CRYBG1: variants seen among roughly 807,000 people sequenced by gnomAD.
CRYBG1 encodes the protein crystallin beta-gamma domain containing 1, also known as beta/gamma crystallin domain-containing protein 1.
CRYBG1 carries 139 observed loss-of-function variants against 189.2 expected under a neutral mutation model. The ratio of observed to expected loss-of-function variants is 0.73; its 90% CI spans 0.64 to 0.85. CRYBG1 has a LOEUF of 0.85. CRYBG1 is among the 40% of genes least tolerant of loss of function. CRYBG1 has a pLI of 0.00. For synonymous variants in CRYBG1, 1,023 were observed against 1,017.1 expected (o/e 1.01, Z -0.11); for missense variants, 2,611 against 2,675.8 (o/e 0.98, Z 0.53).
Position 106,519,407 on chromosome 6 carries a change from A to C in CRYBG1, c.2199A>C (p.Val733=). 1 of 1,614,142 alleles carries C rather than the reference A, an allele frequency of 6.2e-7. No individual in the cohort carries two copies. Among genetic ancestry groups the C allele is most frequent in the Non-Finnish European group, 8.5e-7 (1 of 1,180,040 alleles). ...AKEMEQPEKK[V]MPNSPQNGVL... ...AAATGGAGCAACCTGAAAAGAAAGT[A>C]ATGCCAAACAGTCCCCAGAATGGTG... The change falls in exon 4 of 22, where the codon GTA becomes GTC. Residue 733 remains valine (V), a synonymous_variant. Coordinates refer to ENST00000633556, the MANE Select transcript of CRYBG1 (RefSeq NM_001371242.2).
At chr6:106,509,823 C>A (rs1041809660) in intron 2 of CRYBG1, among the ~76,000 whole-genome samples, 3 of 152,074 alleles carry the variant, frequency 2.0e-5, no homozygotes, top group African/African-American at 7.2e-5. Context: ...CTCCCCCCCA[C>A]CCCAATTTTG....
intron 1 of CRYBG1, among the ~76,000 whole-genome samples, chr6:106,414,729 AC>A (rs949704678): frequency 6.6e-6 from 1 of 152,220 alleles, no homozygotes; most frequent in African/African-American, 2.4e-5. Context: ...TTGGAGGAGT[AC>A]AACTATATGC....
At chr6:106,377,312 A>T (rs1390736133) in intron 1 of CRYBG1, among the ~76,000 whole-genome samples, 1 of 152,122 alleles carries the variant, frequency 6.6e-6, no homozygotes, top group Non-Finnish European at 1.5e-5. Flanking sequence ...CGTTTTTGGC[A>T]TGCTCCCTTA....
intron 2 of CRYBG1, among the ~76,000 whole-genome samples, chr6:106,483,401 T>TATATATATATATATATGTATATATATATA: frequency 6.3e-5 from 6 of 95,712 alleles, no homozygotes; most frequent in Non-Finnish European, 1.0e-4. Context: ...GATATATATA[T>TATATATATATATATATGTATATATATATA]AAAACATTTT....
intron 1 of CRYBG1, among the ~76,000 whole-genome samples, chr6:106,410,957 C>A (rs1770918464): frequency 6.6e-6 from 1 of 152,000 alleles, no homozygotes; most frequent in Non-Finnish European, 1.5e-5. Context: ...ATGTATAATG[C>A]CTATGTAACA....
At chr6:106,434,423 A>C (rs1771416662) in intron 1 of CRYBG1, among the ~76,000 whole-genome samples, 1 of 152,182 alleles carries the variant, frequency 6.6e-6, no homozygotes, top group African/African-American at 2.4e-5. Context: ...TCCTGTCTTT[A>C]AGTTTATCCA....
chr6:106,364,976 G>T (rs1771954516), intron 1 of CRYBG1, among the ~76,000 whole-genome samples: 1 of 152,138 alleles, frequency 6.6e-6, no homozygotes, highest in Non-Finnish European at 1.5e-5. Context: ...AATGGGAGTT[G>T]TTTCTCTTTT....
Position 106,521,318 on chromosome 6 carries a change from T to C in CRYBG1, c.4110T>C (p.Ala1370=), listed in dbSNP as rs149596949. 36 of 1,614,074 alleles carry C rather than the reference T, an allele frequency of 2.2e-5. No homozygotes were observed. Among genetic ancestry groups the C allele is most frequent in the Non-Finnish European group, 2.7e-5 (32 of 1,180,042 alleles). The change falls in exon 4 of 22, where the codon GCT becomes GCC. Residue 1370 remains alanine, a synonymous_variant. Coordinates refer to ENST00000633556, the MANE Select transcript of CRYBG1 (RefSeq NM_001371242.2). ...TGAAGAATGATGATATGGAAAAGGCTAATCATATTGAAAGTGTTATTAAAT... is the reference window on the plus strand; with the variant it reads ...TGAAGAATGATGATATGGAAAAGGCCAATCATATTGAAAGTGTTATTAAAT... ...SKLKNDDMEK[A]NHIESVIKSN... is the part of the protein sequence containing the mutation.
intron 8 of CRYBG1, among the ~76,000 whole-genome samples, chr6:106,538,430 A>G (rs1740155570): frequency 1.3e-5 from 2 of 152,174 alleles, no homozygotes; most frequent in South Asian, 4.1e-4. Flanking sequence ...ATCAGAACCA[A>G]GAACTCAAAA....
At chr6:106,362,564 A>G (rs1038708186) in intron 1 of CRYBG1, among the ~76,000 whole-genome samples, 3 of 152,196 alleles carry the variant, frequency 2.0e-5, no homozygotes, top group African/African-American at 4.8e-5. Flanking sequence ...CATCACCAGC[A>G]CTTAGAAGAG....
chr6:106,521,711 C>CTTTTTTTTTTTTTTT lies in CRYBG1; in HGVS notation c.4245+269_4245+283dup, dbSNP rs397976859. On this transcript the variant is annotated intron_variant, in intron 4 of 21. Transcript: ENST00000633556. The stretch of plus-strand genomic sequence containing the variant: ...CTACAAATGCTCTAAGGCACATGAT[C>CTTTTTTTTTTTTTTT]TTTTTTTTTTTTTTTTTTTTTTTTT... Among the ~76,000 whole-genome samples the CTTTTTTTTTTTTTTT allele has an allele frequency of 9.7e-5, 7 of 72,186 alleles. 1 individual carries two copies. The highest frequency in any genetic ancestry group is 4.1e-4 in the African/African-American group (7 of 17,142). 47.4% of individuals were successfully genotyped at this position (72,186 alleles called of 152,430 possible). A position where few individuals can be genotyped will look rare whatever the true frequency, so the allele number is the denominator to read the frequency against.
intron 2 of CRYBG1, among the ~76,000 whole-genome samples, chr6:106,483,402 AAAAC>A (rs879658292): frequency 0.082 from 7,211 of 88,256 alleles, 496 homozygotes; most frequent in Admixed American, 0.18. Flanking sequence ...ATATATATAT[AAAAC>A]ATTTTCTTTA....
chr6:106,361,974 T>TTCTTTCTTTCTTTCTTTCTTTC (rs1562285541), intron 1 of CRYBG1, among the ~76,000 whole-genome samples: 27 of 128,142 alleles, frequency 2.1e-4, no homozygotes, highest in African/African-American at 8.2e-4. Context: ...TCTTTCTTTT[T>TTCTTTCTTTCTTTCTTTCTTTC]TTTTTTTTTT....
intron 1 of CRYBG1, among the ~76,000 whole-genome samples, chr6:106,390,748 A>G (rs937964295): frequency 6.6e-6 from 1 of 152,204 alleles, no homozygotes; most frequent in African/African-American, 2.4e-5. Context: ...TTTGAATAGC[A>G]ATAGTTATTG....
At chr6:106,552,581 TC>T (rs1199755063) in intron 15 of CRYBG1, among the ~76,000 whole-genome samples, 1 of 35,242 alleles carries the variant, frequency 2.8e-5, no homozygotes, top group African/African-American at 1.4e-4. Flanking sequence ...AGACTCTGTC[TC>T]AAAAAAAAAA....
At chr6:106,482,853 A>AG (rs151215629) in intron 2 of CRYBG1, among the ~76,000 whole-genome samples, 16,784 of 152,164 alleles carry the variant, frequency 0.11, 1,154 homozygotes, top group East Asian at 0.27. Flanking sequence ...AACAGTCTTT[A>AG]AATTTTTTTA....
chr6:106,453,354 G>C (rs1252854837), intron 2 of CRYBG1, among the ~76,000 whole-genome samples: 1 of 151,840 alleles, frequency 6.6e-6, no homozygotes, highest in Non-Finnish European at 1.5e-5. Context: ...TATCAATAAG[G>C]GTACCAGAAA....
intron 1 of CRYBG1, chr6:106,420,660 G>A (rs1771105933): frequency 2.0e-5 from 3 of 152,738 alleles, no homozygotes; most frequent in African/African-American, 7.2e-5. Flanking sequence ...GGGCAAAGAA[G>A]CACATAATCC....
chr6:106,369,753 A>G (rs1769977991), intron 1 of CRYBG1, among the ~76,000 whole-genome samples: 3 of 152,238 alleles, frequency 2.0e-5, no homozygotes. Flanking sequence ...AATATGCACT[A>G]TGTATCAGAC....
Sources: gnomAD v4.1 joint callset for allele counts (sites outside exome capture counted in the v4.1 genomes callset) on GRCh38, gnomAD v4.1.1 for gene constraint, MANE v1.5 for transcripts, NCBI Gene and HGNC (gene_info 2026-07-23, HGNC 2026-07-21) for gene names.